RARG: variants seen among roughly 807,000 people sequenced by gnomAD.
The protein encoded by RARG is retinoic acid receptor gamma, also known as RAR-gamma.
A neutral mutation model predicts 43.7 loss-of-function variants in RARG; 17 were observed. The ratio of observed to expected loss-of-function variants is 0.39; its 90% CI spans 0.27 to 0.58. The LOEUF is 0.58. RARG is among the 20% of genes least tolerant of loss of function. The probability of loss-of-function intolerance (pLI) is 0.57; values close to 1 mark genes in which losing one functional copy is unlikely to be tolerated. For synonymous variants in RARG, 238 were observed against 236.4 expected (o/e 1.01, Z -0.06); for missense variants, 346 against 598.7 (o/e 0.58, Z 4.40).
At chr12:53,220,341 G>C in intron 3 of RARG, 1 of 1,291,770 alleles carries the variant, frequency 7.7e-7, no homozygotes, top group Non-Finnish European at 9.8e-7. Context: ...GCTCTTATCT[G>C]GGTGCTTCGG....
At chr12:53,228,941 TCC>T (rs1211270411) in intron 2 of RARG, among the ~76,000 whole-genome samples, 1 of 151,924 alleles carries the variant, frequency 6.6e-6, no homozygotes, top group African/African-American at 2.4e-5. Flanking sequence ...CAACCTCTCC[TCC>T]CCCAAAAGTA....
In RARG at chr12:53,232,176, C is replaced by T. The variant is rs1036799375; in HGVS notation, c.-412G>A. On this transcript the variant is annotated 5_prime_UTR_variant, in exon 1 of 10. Transcript: ENST00000425354. ...CCAAAATATCCGACACATTTTCTCCCAAACCGCACACTGACTCTGCAGGCG... is the reference window on the plus strand; with the variant it reads ...CCAAAATATCCGACACATTTTCTCCTAAACCGCACACTGACTCTGCAGGCG... 1 of 398,486 alleles carries T rather than the reference C, an allele frequency of 2.5e-6. No individual in the cohort carries two copies. Among genetic ancestry groups the T allele is most frequent in the African/African-American group, 2.1e-5 (1 of 48,642 alleles). The allele number at this position is 398,486 out of a possible 1,614,324, so 24.7% of individuals were successfully genotyped here.
Position 53,215,821 on chromosome 12 carries a change from T to A in RARG, c.185-27A>T. ...TGGGAGGGAAGCAGTGATGTGAGGG[T>A]CAGGGGAGAAGGACCCCACAGACCT... On this transcript the variant is annotated intron_variant, in intron 3 of 9. Coordinates refer to ENST00000425354, the MANE Select transcript of RARG (RefSeq NM_000966.6). The surrounding 1 kb of genome is among the most constrained non-coding windows in gnomAD (Gnocchi z 6.4). The A allele has an allele frequency of 6.4e-7, 1 of 1,574,450 alleles. No homozygotes were observed. The highest frequency in any genetic ancestry group is 8.6e-7 in the Non-Finnish European group (1 of 1,158,580).
Position 53,214,107 on chromosome 12 carries a change from G to A in RARG, c.765C>T (p.Ser255=). 3 of 1,614,134 alleles carry A rather than the reference G, an allele frequency of 1.9e-6. No individual in the cohort carries two copies. The highest frequency in any genetic ancestry group is 2.5e-6 in the Non-Finnish European group (3 of 1,180,018). The change falls in exon 7 of 10, where the codon AGC becomes AGT. Residue 255 remains serine (S), a synonymous_variant. Coordinates refer to ENST00000425354, the MANE Select transcript of RARG (RefSeq NM_000966.6). ...TGAGCAGAGTGATCTGGTCAGCAATGCTGAGCCCTGTAAAGCCAGGCAACC... is the reference window on the plus strand; with the variant it reads ...TGAGCAGAGTGATCTGGTCAGCAATACTGAGCCCTGTAAAGCCAGGCAACC... The part of the protein sequence containing the change: ...AKRLPGFTGL[S]IADQITLLKA...
intron 2 of RARG, among the ~76,000 whole-genome samples, chr12:53,229,622 A>G (rs1479805238): frequency 6.6e-6 from 1 of 152,074 alleles, no homozygotes; most frequent in Non-Finnish European, 1.5e-5. Flanking sequence ...CGAAGTTCTC[A>G]TCCCTAGTTA....
intron 2 of RARG, among the ~76,000 whole-genome samples, chr12:53,230,595 T>G (rs1347657793): frequency 6.6e-6 from 1 of 151,638 alleles, no homozygotes; most frequent in Non-Finnish European, 1.5e-5. Context: ...GACCCTTGAG[T>G]CTCCACCTCT....
chr12:53,222,802 C>A (rs1943009656), intron 3 of RARG, among the ~76,000 whole-genome samples: 1 of 152,116 alleles, frequency 6.6e-6, no homozygotes, highest in Non-Finnish European at 1.5e-5. Flanking sequence ...CTAGTGCCCC[C>A]TCTTTTCCCC....
chr12:53,219,099 G>C (rs1286079857), intron 3 of RARG, among the ~76,000 whole-genome samples: 1 of 152,168 alleles, frequency 6.6e-6, no homozygotes, highest in Non-Finnish European at 1.5e-5. Context: ...GGGGAAGATA[G>C]ATATTTGGGG....
chr12:53,226,143 C>T (rs920682879), intron 3 of RARG, among the ~76,000 whole-genome samples: 2 of 152,140 alleles, frequency 1.3e-5, no homozygotes, highest in Admixed American at 6.6e-5. Context: ...TTTTCTCTCT[C>T]TCTCAGACAG....
chr12:53,223,380 G>T (rs759057048), intron 3 of RARG, among the ~76,000 whole-genome samples: 23 of 151,854 alleles, frequency 1.5e-4, no homozygotes, highest in Non-Finnish European at 2.9e-4. Flanking sequence ...AAGAGCAGAA[G>T]AATAGCGAGG....
chr12:53,231,846 C>T, intron 1 of RARG, 128 bp downstream of exon 1: 1 of 385,004 alleles, frequency 2.6e-6, no homozygotes, highest in Non-Finnish European at 4.6e-6. Flanking sequence ...CCCTCAAGCC[C>T]GGCGGCCAGC....
chr12:53,220,163 CT>C (rs753366263), intron 3 of RARG: 298 of 1,550,010 alleles, frequency 1.9e-4, no homozygotes, highest in Middle Eastern at 1.3e-3. Flanking sequence ...CCGATTCCCC[CT>C]CCTCCCCCGG....
chr12:53,211,580 C>T lies in RARG; in HGVS notation c.*96G>A. On this transcript the variant is annotated 3_prime_UTR_variant, in exon 10 of 10. Transcript: ENST00000425354. The surrounding 1 kb of genome is among the most constrained non-coding windows in gnomAD (Gnocchi z 4.6). ...CTCATTGGAAGGGGTGGGGAGAGGG[C>T]AGAGCAGGTCCTCCCCCAGTCACTG... 1.7e-6 allele frequency: 2 copies of T among 1,176,974 alleles called. No homozygotes were observed. The highest frequency in any genetic ancestry group is 2.0e-5 in the South Asian group (1 of 50,768). 72.9% of individuals were successfully genotyped at this position (1,176,974 alleles called of 1,614,324 possible).
rs979621883 is a variant in RARG at position 53,213,935 on chromosome 12, A to T, written c.813+124T>A. 10 of 1,231,104 alleles carry T rather than the reference A, an allele frequency of 8.1e-6. No homozygotes were observed. The highest frequency in any genetic ancestry group is 4.1e-5 in the Admixed American group (2 of 48,860). 76.3% of individuals were successfully genotyped at this position (1,231,104 alleles called of 1,614,324 possible). ...GGGGCAGAGGCTAAGACGAAAAGAG[A>T]GCTGAGGAGTCCCACATGTGTGGCA... On this transcript the variant is annotated intron_variant, in intron 7 of 9. Coordinates refer to ENST00000425354, the MANE Select transcript of RARG (RefSeq NM_000966.6). This position sits in a 1 kb window ranked among gnomAD's most constrained non-coding sequence, Gnocchi z 4.7.
In RARG at chr12:53,215,851, G is replaced by C. The variant is rs1183220383; in HGVS notation, c.185-57C>G. On this transcript the variant is annotated intron_variant, in intron 3 of 9. Coordinates refer to ENST00000425354, the MANE Select transcript of RARG (RefSeq NM_000966.6). The surrounding 1 kb of genome is among the most constrained non-coding windows in gnomAD (Gnocchi z 6.4). ...GGAGAAGGACCCCACAGACCTCCAG[G>C]CTTCCTCATCACACACACCCCATGT... The C allele has an allele frequency of 1.4e-5, 21 of 1,507,506 alleles. No individual in the cohort carries two copies. Among genetic ancestry groups the C allele is most frequent in the Non-Finnish European group, 1.9e-5 (21 of 1,122,862 alleles). The allele number at this position is 1,507,506 out of a possible 1,614,324, so 93.4% of individuals were successfully genotyped here.
intron 3 of RARG, among the ~76,000 whole-genome samples, chr12:53,222,231 G>GAAAGAA: frequency 1.1e-5 from 1 of 93,238 alleles, no homozygotes; most frequent in African/African-American, 7.2e-5. Context: ...GAAAGAAAGA[G>GAAAGAA]AGAGAAAGAA....
chr12:53,220,032 G>C, intron 3 of RARG: 2 of 1,538,082 alleles, frequency 1.3e-6, no homozygotes, highest in Non-Finnish European at 8.8e-7. Context: ...GCAGCAAGCC[G>C]GCCCCGGGCC....
intron 3 of RARG, among the ~76,000 whole-genome samples, chr12:53,221,036 G>T (rs1293277936): frequency 6.6e-6 from 1 of 151,644 alleles, no homozygotes; most frequent in Non-Finnish European, 1.5e-5. Context: ...CCTAGGGCCG[G>T]AGCGCGCTCC....
intron 2 of RARG, chr12:53,230,003 G>A (rs1227843356): frequency 7.2e-6 from 7 of 969,620 alleles, no homozygotes; most frequent in Non-Finnish European, 8.6e-6. Flanking sequence ...TGAGTGAAGA[G>A]AGGAAGGGGG....
Sources: gnomAD v4.1 joint callset for allele counts (sites outside exome capture counted in the v4.1 genomes callset) on GRCh38, gnomAD v4.1.1 for gene constraint, Gnocchi (gnomAD v3.1) non-coding constraint, MANE v1.5 for transcripts, NCBI Gene and HGNC (gene_info 2026-07-23, HGNC 2026-07-21) for gene names.